Variants in MME observed in about 807,000 individuals in gnomAD.
MME encodes the protein membrane metalloendopeptidase, also known as neprilysin.
Under a neutral mutation model 113.2 loss-of-function variants are expected in MME, and 98 were observed. That is an observed-to-expected ratio of 0.87 (90% CI 0.74 to 1.02). MME has a LOEUF of 1.02. Among genes scored for constraint, MME ranks in the 50% least tolerant of loss-of-function variants. MME has a pLI of 0.00. For synonymous variants in MME, 292 were observed against 300.6 expected, an observed-to-expected ratio of 0.97 and a Z score of 0.30; for missense variants, 836 against 896.0, an observed-to-expected ratio of 0.93 and a Z score of 0.86.
intron 1 of MME, among the ~76,000 whole-genome samples, chr3:155,056,307 T>G (rs1713925474): frequency 6.6e-6 from 1 of 150,894 alleles, no homozygotes; most frequent in African/African-American, 2.4e-5. Flanking sequence ...TAGGTATATC[T>G]CCTAAAGCTA....
chr3:155,140,084 G>T, intron 9 of MME, 107 bp from the exon 10 acceptor site: 2 of 699,864 alleles, frequency 2.9e-6, no homozygotes, highest in South Asian at 1.9e-5. Flanking sequence ...GTACAGAATA[G>T]GACTTAAATT....
At chr3:155,176,637 G>C (rs373531596) in intron 22 of MME, among the ~76,000 whole-genome samples, 7 of 152,058 alleles carry the variant, frequency 4.6e-5, no homozygotes, top group African/African-American at 1.7e-4. Flanking sequence ...ACCAGCTTGG[G>C]TGACATAGTG....
chr3:155,078,657 GTA>G (rs1188511304), upstream of MME, among the ~76,000 whole-genome samples: 509 of 130,850 alleles, frequency 3.9e-3, 2 homozygotes, highest in African/African-American at 9.0e-3. Context: ...ATATGTGTGT[GTA>G]TGTGTGTGTG....
intron 1 of MME, among the ~76,000 whole-genome samples, chr3:155,028,826 T>C (rs1712871335): frequency 6.6e-6 from 1 of 152,188 alleles, no homozygotes. Flanking sequence ...CTTGGACTTC[T>C]AGGGGTTTCT....
At chr3:155,146,172 T>C (rs926750504) in intron 14 of MME, among the ~76,000 whole-genome samples, 1 of 151,634 alleles carries the variant, frequency 6.6e-6, no homozygotes, top group African/African-American at 2.4e-5. Flanking sequence ...CAAGTGATAA[T>C]GAAATAATAA....
chr3:155,098,005 C>A (rs912689152), intron 3 of MME, among the ~76,000 whole-genome samples: 3 of 152,086 alleles, frequency 2.0e-5, no homozygotes, highest in Admixed American at 6.6e-5. Context: ...CACCTAAACG[C>A]AGAGTGAGCA....
chr3:155,182,844 C>T lies in MME; in HGVS notation c.*2385C>T, dbSNP rs201109172. ...TCAAAGTCAAAAATAGCAATGCCTCCCTATCCCTCACACATCCAGACATCA... is the reference window on the plus strand; with the variant it reads ...TCAAAGTCAAAAATAGCAATGCCTCTCTATCCCTCACACATCCAGACATCA... On this transcript the variant is annotated 3_prime_UTR_variant, in exon 23 of 23. Coordinates refer to ENST00000360490, the MANE Select transcript of MME (RefSeq NM_007289.4). The T allele has an allele frequency of 3.6e-4, 55 of 152,344 alleles. No individual in the cohort carries two copies. Among genetic ancestry groups the T allele is most frequent in the African/African-American group, 1.3e-3 (53 of 41,562 alleles). 9.4% of individuals were successfully genotyped at this position (152,344 alleles called of 1,614,324 possible). A position where few individuals can be genotyped will look rare whatever the true frequency, so the allele number is the denominator to read the frequency against.
At chr3:155,147,831 G>T (rs1721638803) in intron 15 of MME, among the ~76,000 whole-genome samples, 1 of 152,158 alleles carries the variant, frequency 6.6e-6, no homozygotes, top group African/African-American at 2.4e-5. Context: ...CCCAGGTCCT[G>T]GGATGACAGT....
chr3:155,042,922 ATATATATATATATATATG>A (rs1392605761), intron 1 of MME, among the ~76,000 whole-genome samples: 1,059 of 63,622 alleles, frequency 0.017, 27 homozygotes, highest in African/African-American at 0.059. Context: ...ATATATATAT[ATATATATATATATATATG>A]TATATATATA....
chr3:155,026,256 T>C (rs1464451314), intron 1 of MME, among the ~76,000 whole-genome samples: 1 of 152,146 alleles, frequency 6.6e-6, no homozygotes, highest in Non-Finnish European at 1.5e-5. Flanking sequence ...ATCTATTCAT[T>C]GAGGCCCTCA....
chr3:155,107,945 A>T (rs376482686), intron 3 of MME, among the ~76,000 whole-genome samples: 59 of 152,352 alleles, frequency 3.9e-4, no homozygotes, highest in African/African-American at 1.3e-3. Context: ...GATATGCCTT[A>T]CAGAGAAAAT....
chr3:155,151,785 T>C (rs538922882), intron 16 of MME, among the ~76,000 whole-genome samples: 2 of 152,250 alleles, frequency 1.3e-5, no homozygotes, highest in African/African-American at 4.8e-5. Flanking sequence ...AAAGTCTGCA[T>C]CCACCAGCTG....
chr3:155,144,585 G>T (rs1453731286), intron 14 of MME, 128 bp downstream of exon 14: 6 of 659,742 alleles, frequency 9.1e-6, no homozygotes, highest in Non-Finnish European at 1.6e-5. Flanking sequence ...TCAATATGTA[G>T]TGTTTCCAGA....
intron 8 of MME, among the ~76,000 whole-genome samples, chr3:155,135,627 T>A (rs766067622): frequency 6.6e-6 from 1 of 152,172 alleles, no homozygotes; most frequent in African/African-American, 2.4e-5. Context: ...GGCTCTTTTT[T>A]GGTTTTATAT....
At chr3:155,072,053 G>C (rs540226213) in intron 1 of MME, among the ~76,000 whole-genome samples, 1 of 151,792 alleles carries the variant, frequency 6.6e-6, no homozygotes, top group South Asian at 2.1e-4. Flanking sequence ...CCCAGCTACT[G>C]GGGAGGCTGA....
intron 8 of MME, among the ~76,000 whole-genome samples, 199 bp downstream of exon 8, chr3:155,119,010 A>G (rs1378793530): frequency 6.6e-6 from 1 of 152,236 alleles, no homozygotes; most frequent in East Asian, 1.9e-4. Context: ...GTATTTTACA[A>G]AACTAGGAAA....
chr3:155,129,205 G>A (rs1004441456), intron 8 of MME, among the ~76,000 whole-genome samples: 2 of 152,154 alleles, frequency 1.3e-5, no homozygotes, highest in Admixed American at 6.6e-5. Flanking sequence ...TAAAACTTTA[G>A]TGTGGGGTCT....
chr3:155,077,820 A>C (rs1714806422), upstream of MME, among the ~76,000 whole-genome samples: 1 of 152,218 alleles, frequency 6.6e-6, no homozygotes, highest in Non-Finnish European at 1.5e-5. Flanking sequence ...GTCGACTATC[A>C]GCTGAAAGTC....
rs776225643 is a variant in MME at position 155,116,702 on chromosome 3, C to G, written c.478C>G (p.Leu160Val). 9 of 1,613,394 alleles carry G rather than the reference C, an allele frequency of 5.6e-6. No individual in the cohort carries two copies. Among genetic ancestry groups the G allele is most frequent in the Non-Finnish European group, 7.6e-6 (9 of 1,179,764 alleles). Reference protein sequence around the residue: ...DSRGGEPLLKLLPDIYGWPVA... With the variant: ...DSRGGEPLLKVLPDIYGWPVA... ...CAGAGGTGGAGAACCTCTACTCAAA[C>G]TGTTACCAGACATATATGGGTGGCC... The change falls in exon 6 of 23, where the codon CTG (leucine) becomes GTG (valine). Residue 160 changes from leucine to valine, a missense_variant. Leu to Val is a conservative substitution (Grantham distance 32). Transcript: ENST00000360490.
Sources: allele counts gnomAD v4.1 joint callset (sites outside exome capture counted in the v4.1 genomes callset), GRCh38; gene constraint gnomAD v4.1.1; transcripts MANE v1.5; gene names NCBI Gene and HGNC (gene_info 2026-07-23, HGNC 2026-07-21).